The following NTM variants were observed in gnomAD, a reference collection of about 807,000 sequenced individuals.
NTM encodes neurotrimin.
Under a neutral mutation model 42.1 loss-of-function variants are expected in NTM, and 13 were observed. The observed-to-expected ratio is 0.31, with a 90% CI of 0.20 to 0.49. The LOEUF (loss-of-function observed/expected upper bound fraction) is 0.49, where lower values mean the gene tolerates loss of function less well. NTM is among the 20% of genes least tolerant of loss of function. NTM has a pLI of 0.99. For synonymous variants in NTM, 187 were observed against 179.2 expected (o/e 1.04, Z -0.35); for missense variants, 373 against 452.8 (o/e 0.82, Z 1.60).
At chr11:132,094,724 C>A (rs916760318) in intron 2 of NTM, among the ~76,000 whole-genome samples, 1 of 152,036 alleles carries the variant, frequency 6.6e-6, no homozygotes, top group African/African-American at 2.4e-5. Flanking sequence ...TTTTGTGGTT[C>A]CCATGGAAAC....
intron 1 of NTM, among the ~76,000 whole-genome samples, chr11:131,875,329 C>T (rs1449608544): frequency 2.0e-5 from 3 of 152,182 alleles, no homozygotes; most frequent in East Asian, 3.9e-4. Flanking sequence ...TTGGTGAGTT[C>T]CTTGAAGGCA....
At chr11:131,819,233 G>A (rs1028218869) in intron 1 of NTM, among the ~76,000 whole-genome samples, 1 of 152,104 alleles carries the variant, frequency 6.6e-6, no homozygotes, top group Non-Finnish European at 1.5e-5. Flanking sequence ...GTAGTTCAAA[G>A]CTTCTCAACT....
At chr11:132,047,019 T>C (rs184501025) in intron 2 of NTM, among the ~76,000 whole-genome samples, 4 of 152,322 alleles carry the variant, frequency 2.6e-5, no homozygotes, top group Admixed American at 6.5e-5. Flanking sequence ...GTTTTACCCA[T>C]GGAACCCTGG....
intron 1 of NTM, among the ~76,000 whole-genome samples, chr11:131,509,429 G>C (rs1017547311): frequency 1.2e-4 from 18 of 152,202 alleles, no homozygotes; most frequent in African/African-American, 4.1e-4. Context: ...GATACAGGCA[G>C]ATTCTTCCCT....
intron 2 of NTM, among the ~76,000 whole-genome samples, chr11:132,075,169 T>C (rs1383020603): frequency 6.6e-6 from 1 of 152,050 alleles, no homozygotes; most frequent in Non-Finnish European, 1.5e-5. Context: ...GGAATGATGG[T>C]CACCAGGGGC....
intron 7 of NTM, among the ~76,000 whole-genome samples, chr11:132,315,732 A>C (rs1332394859): frequency 1.3e-5 from 2 of 152,036 alleles, no homozygotes; most frequent in Non-Finnish European, 2.9e-5. Flanking sequence ...TCACCACACG[A>C]TCTCTGCTCA....
rs1181186210 is a variant in NTM, at chr11:131,661,285, G to A, written c.83-250279G>A. ...TCAGAAAGGATTTGAGGTTTTGCAC[G>A]CTAATGCTATGTGTCAGCTACATTG... On this transcript the variant is annotated intron_variant, in intron 1 of 8. Transcript: ENST00000683400. 3.9e-5 allele frequency: 11 copies of A among 281,668 alleles called. No individual in the cohort carries two copies. In the East Asian group the frequency reaches 5.5e-4, roughly 14 times the overall value. The allele number at this position is 281,668 out of a possible 1,614,324, so 17.4% of individuals were successfully genotyped here. A position where few individuals can be genotyped will look rare whatever the true frequency, so the allele number is the denominator to read the frequency against.
At chr11:131,481,146 CAA>C (rs1953537989) in intron 1 of NTM, among the ~76,000 whole-genome samples, 1 of 152,260 alleles carries the variant, frequency 6.6e-6, no homozygotes, top group Non-Finnish European at 1.5e-5. Flanking sequence ...ATTTGAGCTT[CAA>C]TTTCCTTAGA....
At chr11:131,394,464 TG>T (rs899528025) in intron 1 of NTM, among the ~76,000 whole-genome samples, 6 of 152,094 alleles carry the variant, frequency 3.9e-5, no homozygotes, top group African/African-American at 1.4e-4. Context: ...GGGTGCTCTA[TG>T]GAGAGAAGAC....
chr11:131,421,880 A>C (rs995513270), intron 1 of NTM, among the ~76,000 whole-genome samples: 8 of 152,152 alleles, frequency 5.3e-5, no homozygotes, highest in Non-Finnish European at 1.2e-4. Context: ...CTGCCTTGCT[A>C]ATAAGGGTTG....
intron 3 of NTM, among the ~76,000 whole-genome samples, chr11:132,176,986 C>T (rs967897690): frequency 1.2e-4 from 18 of 152,008 alleles, no homozygotes; most frequent in African/African-American, 3.9e-4. Context: ...GCCTTGGCCT[C>T]CCAAAGTGCC....
At chr11:131,789,645 G>GAAGAAGAAGAAGAAGAAGAAGAAGA (rs2090517569) in intron 1 of NTM, among the ~76,000 whole-genome samples, 1 of 128,242 alleles carries the variant, frequency 7.8e-6, no homozygotes, top group African/African-American at 3.0e-5. Flanking sequence ...AAAAGAAGAA[G>GAAGAAGAAGAAGAAGAAGAAGAAGA]AAGAAGAAGA....
intron 1 of NTM, among the ~76,000 whole-genome samples, chr11:131,538,941 T>A (rs2052727881): frequency 7.1e-6 from 1 of 141,272 alleles, no homozygotes; most frequent in Non-Finnish European, 1.6e-5. Flanking sequence ...TTTTTTTTTT[T>A]AATTTTTTTG....
chr11:132,096,673 T>G, intron 2 of NTM, among the ~76,000 whole-genome samples: 1 of 152,196 alleles, frequency 6.6e-6, no homozygotes, highest in East Asian at 1.9e-4. Flanking sequence ...CAGGCTCCGC[T>G]CGGCCAGCAG....
At chr11:132,327,161 A>C (rs2095700508) in intron 7 of NTM, among the ~76,000 whole-genome samples, 1 of 152,230 alleles carries the variant, frequency 6.6e-6, no homozygotes, top group Admixed American at 6.5e-5. Context: ...ATGTTCCACC[A>C]TCCCTCACTG....
At chr11:131,778,747 G>A (rs1298155327) in intron 1 of NTM, among the ~76,000 whole-genome samples, 2 of 152,088 alleles carry the variant, frequency 1.3e-5, no homozygotes, top group African/African-American at 4.8e-5. Flanking sequence ...CTGATGACTA[G>A]CTCAATTTTC....
At chr11:131,836,615 C>G (rs528710533) in intron 1 of NTM, among the ~76,000 whole-genome samples, 1 of 152,172 alleles carries the variant, frequency 6.6e-6, no homozygotes, top group Non-Finnish European at 1.5e-5. Context: ...CCTCTGTATG[C>G]TTCTCTCCAT....
intron 1 of NTM, among the ~76,000 whole-genome samples, chr11:131,714,292 G>A (rs890340557): frequency 2.6e-5 from 4 of 152,032 alleles, no homozygotes; most frequent in Admixed American, 6.6e-5. Context: ...GGGTTCAAGC[G>A]ATTCTCTGAC....
intron 1 of NTM, among the ~76,000 whole-genome samples, chr11:131,815,176 C>T (rs1034793771): frequency 1.3e-5 from 2 of 152,178 alleles, no homozygotes; most frequent in African/African-American, 4.8e-5. Context: ...CCCTCTCATC[C>T]CCTTGCGGCC....
Sources: gnomAD v4.1 joint callset for allele counts (sites outside exome capture counted in the v4.1 genomes callset) on GRCh38, gnomAD v4.1.1 for gene constraint, MANE v1.5 for transcripts, NCBI Gene and HGNC (gene_info 2026-07-23, HGNC 2026-07-21) for gene names.